The following ACSM3 variants were observed in gnomAD, a reference collection of about 807,000 sequenced individuals.
The protein encoded by ACSM3 is acyl-coenzyme A synthetase ACSM3, mitochondrial.
In ACSM3, 61 loss-of-function variants were observed where a neutral mutation model predicts 74.1. The observed-to-expected ratio is 0.82, with a 90% CI of 0.67 to 1.02. ACSM3 has a LOEUF of 1.02. Among genes scored for constraint, ACSM3 ranks in the 50% least tolerant of loss-of-function variants. The probability of loss-of-function intolerance (pLI) is 0.00; values close to 1 mark genes in which losing one functional copy is unlikely to be tolerated. For missense variants in ACSM3, 660 were observed against 697.0 expected (o/e 0.95, Z 0.60); for synonymous variants, 213 against 241.5 (o/e 0.88, Z 1.09).
chr16:20,701,779 G>A (rs2079713484), intron 1 of ACSM3, among the ~76,000 whole-genome samples: 1 of 152,156 alleles, frequency 6.6e-6, no homozygotes, highest in African/African-American at 2.4e-5. Flanking sequence ...ACTTATCAGT[G>A]AGAACATGCA....
At chr16:20,786,226 C>T (rs1231256026) in intron 9 of ACSM3, 68 bp downstream of exon 9, 10 of 1,547,640 alleles carry the variant, frequency 6.5e-6, no homozygotes, top group Non-Finnish European at 8.7e-6. Context: ...TACCGCTTAC[C>T]CCCATATAAA....
At chr16:20,738,051 A>C in intron 1 of ACSM3, 1 of 1,188,794 alleles carries the variant, frequency 8.4e-7, no homozygotes, top group Admixed American at 2.2e-5. Flanking sequence ...ATAAGTTGAC[A>C]GAAGAAATTC....
chr16:20,712,736 T>C (rs1306104020), intron 1 of ACSM3, among the ~76,000 whole-genome samples: 1 of 145,664 alleles, frequency 6.9e-6, no homozygotes, highest in East Asian at 2.0e-4. Context: ...TGAAAACCTG[T>C]CTCTAAAAAA....
upstream of ACSM3, among the ~76,000 whole-genome samples, chr16:20,759,164 C>T (rs1388227497): frequency 1.3e-5 from 2 of 152,176 alleles, no homozygotes; most frequent in African/African-American, 2.4e-5. Context: ...CGCCACTTCC[C>T]ATCCCCCTAC....
intron 1 of ACSM3, among the ~76,000 whole-genome samples, chr16:20,717,992 AG>A (rs2079770670): frequency 2.8e-5 from 4 of 144,650 alleles, no homozygotes; most frequent in Non-Finnish European, 4.7e-5. Flanking sequence ...AAGAAGAAGA[AG>A]AAGAAGAAGA....
upstream of ACSM3, among the ~76,000 whole-genome samples, chr16:20,761,867 G>C (rs2080079661): frequency 6.6e-6 from 1 of 152,152 alleles, no homozygotes; most frequent in South Asian, 2.1e-4. Flanking sequence ...TGACTGGTAA[G>C]GGAAAAACGC....
At chr16:20,733,874 G>GT (rs954497459) in intron 1 of ACSM3, 8 of 151,858 alleles carry the variant, frequency 5.3e-5, no homozygotes, top group African/African-American at 9.7e-5. Context: ...TAAGACTGCA[G>GT]TTTTTTTATT....
At chr16:20,691,376 T>C in intron 1 of ACSM3, 2 of 518,100 alleles carry the variant, frequency 3.9e-6, no homozygotes, top group Non-Finnish European at 6.7e-6. Context: ...CTGATTGATT[T>C]TGGTGGGGAT....
At chr16:20,795,710 C>A (rs954444930) in intron 12 of ACSM3, among the ~76,000 whole-genome samples, 2 of 152,210 alleles carry the variant, frequency 1.3e-5, no homozygotes, top group Admixed American at 6.5e-5. Flanking sequence ...CTAGTTGATG[C>A]ACCTAGACTC....
At chr16:20,786,393 C>A in intron 9 of ACSM3, 1 of 840,842 alleles carries the variant, frequency 1.2e-6, no homozygotes, top group Non-Finnish European at 1.6e-6. Context: ...AAACGTTAAC[C>A]CATTAGGCTG....
chr16:20,771,402 G>C lies in ACSM3; in HGVS notation c.219+1149G>C, dbSNP rs1215031995. 1.2e-4 allele frequency among the ~76,000 whole-genome samples: 14 copies of C among 115,944 alleles called. No homozygotes were observed. The East Asian group carries it at 3.4e-3, about 28-fold the overall frequency. The allele number at this position is 115,944 out of a possible 152,430, so 76.1% of individuals were successfully genotyped here. A position where few individuals can be genotyped will look rare whatever the true frequency, so the allele number is the denominator to read the frequency against. Reference sequence around the variant, plus strand: ...TTTTTTTTTTTTTTTTTTTTTAAGAGACAGGGTCTTACTTTGTTGCCCAGG... The same window carrying C: ...TTTTTTTTTTTTTTTTTTTTTAAGACACAGGGTCTTACTTTGTTGCCCAGG... On this transcript the variant is annotated intron_variant, in intron 2 of 13. Transcript: ENST00000289416.
chr16:20,737,783 C>A (rs373883584), intron 1 of ACSM3: 3 of 1,613,862 alleles, frequency 1.9e-6, no homozygotes, highest in Non-Finnish European at 2.5e-6. Context: ...TGAAATGTCC[C>A]TTTGTTTGGA....
At chr16:20,681,486 G>GTGGGTT in intron 1 of ACSM3, 1 of 152,274 alleles carries the variant, frequency 6.6e-6, no homozygotes, top group South Asian at 2.1e-4. Flanking sequence ...ACCCTCACTG[G>GTGGGTT]TGGGTTTTTG....
At chr16:20,738,201 G>A in intron 1 of ACSM3, 1 of 534,174 alleles carries the variant, frequency 1.9e-6, no homozygotes. Flanking sequence ...GACTGTTTAG[G>A]TAGACACCGT....
At chr16:20,750,430 A>T (rs1013984493) in intron 2 of ACSM3, among the ~76,000 whole-genome samples, 3 of 152,208 alleles carry the variant, frequency 2.0e-5, no homozygotes, top group African/African-American at 7.2e-5. Flanking sequence ...GCCTAAATTC[A>T]TGAGATCCTT....
chr16:20,720,360 C>T (rs1351663141), intron 1 of ACSM3, among the ~76,000 whole-genome samples: 2 of 152,198 alleles, frequency 1.3e-5, no homozygotes, highest in Non-Finnish European at 2.9e-5. Context: ...ATTAGATTCT[C>T]ATAAGGAGCC....
intron 1 of ACSM3, chr16:20,728,557 T>TA (rs1399720190): frequency 1.3e-5 from 7 of 548,968 alleles, no homozygotes; most frequent in Non-Finnish European, 2.2e-5. Flanking sequence ...TTCCACCATG[T>TA]CTTGCTATGT....
At chr16:20,748,072 G>A (rs1284034272) in intron 1 of ACSM3, among the ~76,000 whole-genome samples, 2 of 152,134 alleles carry the variant, frequency 1.3e-5, no homozygotes, top group Admixed American at 1.3e-4. Context: ...AGGAGGTCAA[G>A]GCTGCAGTGA....
chr16:20,762,898 G>A (rs1050486412), upstream of ACSM3, among the ~76,000 whole-genome samples: 9 of 152,152 alleles, frequency 5.9e-5, no homozygotes, highest in East Asian at 3.8e-4. Flanking sequence ...CTTATTCAAC[G>A]TAGAGCTAGA....
Sources: allele counts gnomAD v4.1 joint callset (sites outside exome capture counted in the v4.1 genomes callset), GRCh38; gene constraint gnomAD v4.1.1; transcripts MANE v1.5; gene names NCBI Gene and HGNC (gene_info 2026-07-23, HGNC 2026-07-21).